The following SLC4A1AP variants were observed in gnomAD, a reference collection of about 807,000 sequenced individuals.
SLC4A1AP encodes the protein solute carrier family 4 member 1 adaptor protein, also known as kanadaptin.
A neutral mutation model predicts 89.7 loss-of-function variants in SLC4A1AP; 64 were observed. The observed-to-expected ratio is 0.71, with a 90% CI of 0.58 to 0.88. The LOEUF is 0.88. Ranked by LOEUF, SLC4A1AP falls within the 40% of genes least tolerant of loss-of-function variation. The probability of loss-of-function intolerance (pLI) is 0.00; values close to 1 mark genes in which losing one functional copy is unlikely to be tolerated. For synonymous variants in SLC4A1AP, 366 were observed against 353.3 expected (o/e 1.04, Z -0.40); for missense variants, 931 against 965.0 (o/e 0.96, Z 0.47).
At chr2:27,685,362 TG>T in intron 10 of SLC4A1AP, 85 bp downstream of exon 10, 1 of 1,509,356 alleles carries the variant, frequency 6.6e-7, no homozygotes, top group Non-Finnish European at 8.9e-7. Context: ...GGCCAGTTCT[TG>T]TCTGTGCATT....
chr2:27,664,547 T>C (rs980951213), exon 1 of SLC4A1AP: 1 of 1,613,030 alleles, frequency 6.2e-7, no homozygotes. Context: ...TTGTTCGCTT[T>C]GGAGGCAGCA....
rs564323738 is a variant in SLC4A1AP, at chr2:27,664,147, A to G, written c.395A>G (p.Gln132Arg). Reference sequence around the variant, plus strand: ...GACTGCGGTGATTTTAGGAGTCTACAGGAGGAGCAGTCGCGCCCCCCGACA... The same window carrying G: ...GACTGCGGTGATTTTAGGAGTCTACGGGAGGAGCAGTCGCGCCCCCCGACA... Residue 132 changes from glutamine to arginine, a missense_variant, in exon 1 of 14, where the codon CAG (glutamine) becomes CGG (arginine). Coordinates refer to ENST00000613058, the Ensembl canonical transcript of SLC4A1AP. 8 of 1,614,138 alleles carry G rather than the reference A, an allele frequency of 5.0e-6. No individual in the cohort carries two copies. In the East Asian group the frequency reaches 1.3e-4, roughly 27 times the overall value.
At chr2:27,672,793 T>A (rs917660772) in intron 5 of SLC4A1AP, among the ~76,000 whole-genome samples, 1 of 152,196 alleles carries the variant, frequency 6.6e-6, no homozygotes, top group Non-Finnish European at 1.5e-5. Flanking sequence ...AACCCTTGAT[T>A]TAAGTATCCT....
chr2:27,693,589 T>A, intron 12 of SLC4A1AP, 96 bp from the exon 13 acceptor site: 1 of 879,398 alleles, frequency 1.1e-6, no homozygotes, highest in South Asian at 1.6e-5. Flanking sequence ...TTATTCTGCT[T>A]AAGGAGGCTA....
intron 12 of SLC4A1AP, chr2:27,692,319 T>C (rs1675800848): frequency 6.6e-6 from 1 of 152,244 alleles, no homozygotes; most frequent in South Asian, 2.1e-4. Flanking sequence ...AAGGTTCCTT[T>C]TCAAGTTGGT....
At chr2:27,668,660 G>T (rs944267169) in intron 3 of SLC4A1AP, 183 bp from the exon 4 acceptor site, 1 of 700,592 alleles carries the variant, frequency 1.4e-6, no homozygotes, top group African/African-American at 1.7e-5. Flanking sequence ...ATGTTGCACA[G>T]ACTGGTTTCG....
At chr2:27,685,206 A>C (rs750941547) in exon 10 of SLC4A1AP, 1 of 1,614,176 alleles carries the variant, frequency 6.2e-7, no homozygotes, top group Non-Finnish European at 8.5e-7. Flanking sequence ...CCAGAGATAG[A>C]GCCAGAAGCA....
chr2:27,664,710 A>G, intron 1 of SLC4A1AP, 133 bp downstream of exon 1: 1 of 685,608 alleles, frequency 1.5e-6, no homozygotes, highest in Non-Finnish European at 2.5e-6. Flanking sequence ...CTGGCCTATC[A>G]TCTTCAGACG....
At chr2:27,682,180 C>G in intron 8 of SLC4A1AP, 68 bp from the exon 9 acceptor site, 1 of 966,648 alleles carries the variant, frequency 1.0e-6, no homozygotes, top group South Asian at 1.5e-5. Flanking sequence ...TTGTCAGTAT[C>G]ATGGTATTTT....
chr2:27,669,459 CT>C (rs1675386759), intron 5 of SLC4A1AP, 72 bp downstream of exon 5: 2 of 1,348,266 alleles, frequency 1.5e-6, no homozygotes, highest in Admixed American at 2.7e-5. Flanking sequence ...AATAAAACTT[CT>C]TTATGGGGGG....
exon 1 of SLC4A1AP, chr2:27,664,434 G>A: frequency 2.5e-6 from 4 of 1,614,210 alleles, no homozygotes; most frequent in Non-Finnish European, 3.4e-6. Context: ...CGACAGCAAC[G>A]GGCCGGGCTT....
chr2:27,668,171 C>T (rs549654636), intron 3 of SLC4A1AP, among the ~76,000 whole-genome samples: 9 of 150,152 alleles, frequency 6.0e-5, no homozygotes, highest in African/African-American at 1.2e-4. Context: ...TTTTTTGAGA[C>T]GGAGTCTCGC....
intron 9 of SLC4A1AP, among the ~76,000 whole-genome samples, chr2:27,683,879 G>T (rs1387327720): frequency 1.3e-5 from 2 of 151,990 alleles, no homozygotes; most frequent in Admixed American, 1.3e-4. Flanking sequence ...GGGATTACAG[G>T]CACCCACCAC....
chr2:27,682,669 C>T (rs369863754), intron 9 of SLC4A1AP, among the ~76,000 whole-genome samples: 4 of 152,028 alleles, frequency 2.6e-5, no homozygotes, highest in Middle Eastern at 6.8e-3. Context: ...GGACTACAGG[C>T]GTGCTCCACC....
chr2:27,689,869 T>A lies in SLC4A1AP; in HGVS notation c.2271+1102T>A, dbSNP rs561875852. 7.2e-5 allele frequency among the ~76,000 whole-genome samples: 11 copies of A among 152,336 alleles called. 1 individual carries two copies. In the South Asian group the frequency reaches 2.3e-3, roughly 32 times the overall value. On this transcript the variant is annotated intron_variant, in intron 12 of 13. Coordinates refer to ENST00000613058, the Ensembl canonical transcript of SLC4A1AP. ...CAGTCAGCCTTGCTCTGTTAACTTT[T>A]CTAAACCTTGGCCAAAAGGTAAATG...
intron 8 of SLC4A1AP, among the ~76,000 whole-genome samples, chr2:27,681,171 G>A (rs187552892): frequency 7.2e-5 from 11 of 152,252 alleles, no homozygotes; most frequent in Admixed American, 6.5e-4. Context: ...TTCTATGCCA[G>A]AGCCTTCCTG....
At chr2:27,667,682 G>C (rs1025965985) in intron 3 of SLC4A1AP, among the ~76,000 whole-genome samples, 2 of 152,028 alleles carry the variant, frequency 1.3e-5, no homozygotes, top group African/African-American at 4.8e-5. Flanking sequence ...CCTGGACTTT[G>C]GTGGTGGGGA....
At chr2:27,676,452 T>TC (rs1320982781) in intron 6 of SLC4A1AP, among the ~76,000 whole-genome samples, 1 of 152,182 alleles carries the variant, frequency 6.6e-6, no homozygotes, top group Non-Finnish European at 1.5e-5. Context: ...TAAAATGAAG[T>TC]CCGAGTTATT....
chr2:27,671,251 T>C (rs568381955), intron 5 of SLC4A1AP, among the ~76,000 whole-genome samples: 1 of 152,136 alleles, frequency 6.6e-6, no homozygotes, highest in Non-Finnish European at 1.5e-5. Context: ...AGAACAAGAG[T>C]ATGGTGTTAT....
Sources: allele counts gnomAD v4.1 joint callset (sites outside exome capture counted in the v4.1 genomes callset), GRCh38; gene constraint gnomAD v4.1.1; transcripts MANE v1.5; gene names NCBI Gene and HGNC (gene_info 2026-07-23, HGNC 2026-07-21).